The following ASS1 variants were observed in gnomAD, a reference collection of about 807,000 sequenced individuals.
The protein encoded by ASS1 is argininosuccinate synthase.
ASS1 carries 58 observed loss-of-function variants against 60.5 expected under a neutral mutation model. The observed-to-expected ratio is 0.96, with a 90% CI of 0.78 to 1.19. The LOEUF (loss-of-function observed/expected upper bound fraction) is 1.19. ASS1 is among the 50% of genes most tolerant of loss of function. ASS1 has a pLI of 0.00. For missense variants in ASS1, 454 were observed against 547.3 expected (o/e 0.83, Z 1.70); for synonymous variants, 200 against 206.9 (o/e 0.97, Z 0.29).
chr9:130,444,846 C>G (rs900424691), upstream of ASS1: 1 of 152,126 alleles, frequency 6.6e-6, no homozygotes, highest in South Asian at 2.1e-4. The surrounding 1 kb of genome is among the most constrained non-coding windows in gnomAD (Gnocchi z 4.7). Flanking sequence ...CGGCTCCAGG[C>G]GGGGGCCGGG....
chr9:130,487,349 G>A (rs1446378457), intron 11 of ASS1, among the ~76,000 whole-genome samples: 4 of 151,326 alleles, frequency 2.6e-5, no homozygotes, highest in African/African-American at 7.3e-5. Flanking sequence ...AGCAGACTCA[G>A]CCTCCCCAGA....
rs948363360 is a variant in ASS1 at position 130,449,985 on chromosome 9, G to A, written c.-5-2239G>A. 2.6e-5 allele frequency among the ~76,000 whole-genome samples: 4 copies of A among 152,220 alleles called. No individual in the cohort carries two copies. In the South Asian group the frequency reaches 8.3e-4, roughly 32 times the overall value. ...AAAAATGCAATTTATGATATGTCAA[G>A]TAGACCTCAATAGAGCTGTTTTAAA... On this transcript the variant is annotated intron_variant, in intron 1 of 14. Transcript: ENST00000352480.
rs757796986 is a variant in ASS1, at chr9:130,478,385, G to A, written c.689-1331G>A. Among the ~76,000 whole-genome samples the A allele has an allele frequency of 6.6e-6, 1 of 152,126 alleles. No individual in the cohort carries two copies. The highest frequency in any genetic ancestry group is 1.5e-5 in the Non-Finnish European group (1 of 68,020). On this transcript the variant is annotated intron_variant, in intron 9 of 14. Coordinates refer to ENST00000352480, the MANE Select transcript of ASS1 (RefSeq NM_054012.4). This position sits in a 1 kb window ranked among gnomAD's most constrained non-coding sequence, Gnocchi z 4.7. ...CGTGAGGGTGGGAGGCGGGTGGCAG[G>A]CTGCGGAGGGTCCTGGGCACCAGGC...
chr9:130,464,109 A>C lies in ASS1; in HGVS notation c.364-2A>C, dbSNP rs774231051. 4.3e-6 allele frequency: 7 copies of C among 1,614,096 alleles called. No homozygotes were observed. The highest frequency in any genetic ancestry group is 5.9e-6 in the Non-Finnish European group (7 of 1,179,998). ...CTGACAGCCCTCTGTTCTGCATTGC[A>C]GGGGAACGATCAGGTCCGGTTTGAG... On this transcript the variant is annotated splice_acceptor_variant, in intron 4 of 14. Coordinates refer to ENST00000352480, the MANE Select transcript of ASS1 (RefSeq NM_054012.4). LOFTEE classifies it high-confidence loss of function.
chr9:130,479,736 A>G lies in ASS1; in HGVS notation c.709A>G (p.Asn237Asp). Residue 237 changes from asparagine (N) to aspartate (D), a missense_variant, in exon 10 of 15, where the codon AAC becomes GAC. Transcript: ENST00000352480. ...FKKGVPVKVTNVKDGTTHQTS... is the reference protein window; with the variant it reads ...FKKGVPVKVTDVKDGTTHQTS... ...CCTAGGGGTCCCTGTGAAGGTGACC[A>G]ACGTCAAGGATGGCACCACCCACCA... 1.2e-6 allele frequency: 2 copies of G among 1,614,164 alleles called. No homozygotes were observed. The highest frequency in any genetic ancestry group is 1.3e-5 in the African/African-American group (1 of 75,054).
At chr9:130,444,711 G>A (rs1270038934), upstream of ASS1, among the ~76,000 whole-genome samples, 1 of 151,928 alleles carries the variant, frequency 6.6e-6, no homozygotes, top group Non-Finnish European at 1.5e-5. This position sits in a 1 kb window ranked among gnomAD's most constrained non-coding sequence, Gnocchi z 4.7. Context: ...GCCCCCGCCG[G>A]CGCGCCCCTG....
chr9:130,466,134 C>T (rs1010827584), intron 5 of ASS1, among the ~76,000 whole-genome samples: 40 of 152,206 alleles, frequency 2.6e-4, no homozygotes, highest in African/African-American at 9.4e-4. Flanking sequence ...CCGAGTCCTG[C>T]TCAGAGGCAG....
chr9:130,476,818 G>T lies in ASS1; in HGVS notation c.598-53G>T. The T allele has an allele frequency of 6.6e-7, 1 of 1,518,324 alleles. No homozygotes were observed. The highest frequency in any genetic ancestry group is 9.1e-7 in the Non-Finnish European group (1 of 1,094,096). The allele number at this position is 1,518,324 out of a possible 1,614,324, so 94.1% of individuals were successfully genotyped here. A position where few individuals can be genotyped will look rare whatever the true frequency, so the allele number is the denominator to read the frequency against. ...AGATCCCCGCGGGAGGTGGGCTGTA[G>T]GGTGTCCAGGGACTGGTATGTCATC... On this transcript the variant is annotated intron_variant, in intron 8 of 14. Coordinates refer to ENST00000352480, the MANE Select transcript of ASS1 (RefSeq NM_054012.4). The surrounding 1 kb of genome is among the most constrained non-coding windows in gnomAD (Gnocchi z 4.9).
chr9:130,449,848 A>G (rs1845285512), intron 1 of ASS1, among the ~76,000 whole-genome samples: 1 of 152,234 alleles, frequency 6.6e-6, no homozygotes, highest in South Asian at 2.1e-4. Flanking sequence ...ACAAAAAAAT[A>G]TGCGATTATT....
At position 130,488,797 on chromosome 9, in the gene ASS1, C is replaced by T. The variant is rs367778078; in HGVS notation, c.839-536C>T. ...GCTCAGTTTCCCCATCTGCACGGTG[C>T]GGTCAGCCTAGGTGATTGCCCAAGC... On this transcript the variant is annotated intron_variant, in intron 11 of 14. Coordinates refer to ENST00000352480, the MANE Select transcript of ASS1 (RefSeq NM_054012.4). This position sits in a 1 kb window ranked among gnomAD's most constrained non-coding sequence, Gnocchi z 5.2. 5.9e-5 allele frequency among the ~76,000 whole-genome samples: 9 copies of T among 152,310 alleles called. No individual in the cohort carries two copies. In the East Asian group the frequency reaches 1.4e-3, roughly 23 times the overall value.
chr9:130,489,487 C>A lies in ASS1; in HGVS notation c.970+23C>A, dbSNP rs770929133. On this transcript the variant is annotated intron_variant, in intron 12 of 14. Transcript: ENST00000352480. The surrounding 1 kb of genome is among the most constrained non-coding windows in gnomAD (Gnocchi z 4.1). ...CCGGTGCGTAAGACTCTATGGCTGC[C>A]CCCTCTAACCGCCTCACAAGGGATC... is the stretch of plus-strand genomic sequence containing the variant. 6.2e-7 allele frequency: 1 copy of A among 1,613,968 alleles called. No homozygotes were observed. Among genetic ancestry groups the A allele is most frequent in the South Asian group, 1.1e-5 (1 of 91,074 alleles).
chr9:130,454,366 C>T lies in ASS1; in HGVS notation c.167C>T (p.Ala56Val). 3.1e-6 allele frequency: 5 copies of T among 1,613,630 alleles called. No homozygotes were observed. Among genetic ancestry groups the T allele is most frequent in the Non-Finnish European group, 4.2e-6 (5 of 1,179,818 alleles). The change falls in exon 3 of 15, where the codon GCC becomes GTC. Residue 56 changes from alanine (A) to valine (V), a missense_variant. Ala to Val is a moderately conservative substitution (Grantham distance 64). Coordinates refer to ENST00000352480, the MANE Select transcript of ASS1 (RefSeq NM_054012.4). ...EARKKALKLG[A>V]KKVFIEDVSR... ...AGGAAGAAGGCACTGAAGCTTGGGGCCAAAAAGGTACCAGGCGGGAGGCAG... is the reference window on the plus strand; with the variant it reads ...AGGAAGAAGGCACTGAAGCTTGGGGTCAAAAAGGTACCAGGCGGGAGGCAG...
At chr9:130,480,300 T>C in intron 10 of ASS1, 85 bp from the exon 11 acceptor site, 1 of 1,452,990 alleles carries the variant, frequency 6.9e-7, no homozygotes, top group Non-Finnish European at 9.7e-7. Flanking sequence ...GCCTAAGCTG[T>C]GCCCACCCTG....
Position 130,489,310 on chromosome 9 carries a change from C to A in ASS1, c.839-23C>A. ...CGTTTCTCTCTTTTTTCTCCTTTTCCCCCTGCCTGGAAAAATGGCTAGGTA... is the reference window on the plus strand; with the variant it reads ...CGTTTCTCTCTTTTTTCTCCTTTTCACCCTGCCTGGAAAAATGGCTAGGTA... On this transcript the variant is annotated intron_variant, in intron 11 of 14. Coordinates refer to ENST00000352480, the MANE Select transcript of ASS1 (RefSeq NM_054012.4). The surrounding 1 kb of genome is among the most constrained non-coding windows in gnomAD (Gnocchi z 4.1). The A allele has an allele frequency of 6.2e-7, 1 of 1,613,100 alleles. No individual in the cohort carries two copies. Among genetic ancestry groups the A allele is most frequent in the Non-Finnish European group, 8.5e-7 (1 of 1,179,768 alleles).
chr9:130,478,930 G>A lies in ASS1; in HGVS notation c.689-786G>A, dbSNP rs982333833. 4.6e-5 allele frequency among the ~76,000 whole-genome samples: 7 copies of A among 152,168 alleles called. No homozygotes were observed. Among genetic ancestry groups the A allele is most frequent in the Non-Finnish European group, 7.3e-5 (5 of 68,028 alleles). On this transcript the variant is annotated intron_variant, in intron 9 of 14. Coordinates refer to ENST00000352480, the MANE Select transcript of ASS1 (RefSeq NM_054012.4). This position sits in a 1 kb window ranked among gnomAD's most constrained non-coding sequence, Gnocchi z 4.7. ...AGGCCTGATTGGCACCCGATGGCTCGCTCCATGGTAATGAGCCGGGCAGAT... is the reference window on the plus strand; with the variant it reads ...AGGCCTGATTGGCACCCGATGGCTCACTCCATGGTAATGAGCCGGGCAGAT...
intron 1 of ASS1, chr9:130,445,297 C>T (rs1845170428): frequency 1.1e-6 from 1 of 926,290 alleles, no homozygotes; most frequent in Admixed American, 6.2e-5. Flanking sequence ...CCTGCGCAGC[C>T]GGGTCCTTTC....
At chr9:130,450,119 AG>A (rs1845294859) in intron 1 of ASS1, among the ~76,000 whole-genome samples, 1 of 152,120 alleles carries the variant, frequency 6.6e-6, no homozygotes, top group South Asian at 2.1e-4. Flanking sequence ...AGGGGGCAGG[AG>A]GCAGGAGGCA....
intron 9 of ASS1, 77 bp from the exon 10 acceptor site, chr9:130,479,639 G>A (rs1846115328): frequency 9.5e-6 from 11 of 1,155,250 alleles, no homozygotes; most frequent in African/African-American, 3.0e-5. Context: ...CGGGAGGAGG[G>A]AGAGGGTGGG....
intron 8 of ASS1, among the ~76,000 whole-genome samples, chr9:130,474,618 T>C (rs1845971549): frequency 6.6e-6 from 1 of 152,178 alleles, no homozygotes; most frequent in African/African-American, 2.4e-5. Context: ...CTTTACCTTT[T>C]TGCTGAGGAT....
Sources: gnomAD v4.1 joint callset for allele counts (sites outside exome capture counted in the v4.1 genomes callset) on GRCh38, gnomAD v4.1.1 for gene constraint, Gnocchi (gnomAD v3.1) non-coding constraint, MANE v1.5 for transcripts, NCBI Gene and HGNC (gene_info 2026-07-23, HGNC 2026-07-21) for gene names.